The following ARK2C variants were observed in gnomAD, a reference collection of about 807,000 sequenced individuals.
ARK2C encodes E3 ubiquitin-protein ligase ARK2C.
At chr18:46,433,222 G>A in the ARK2C span, 1 of 1,601,734 alleles carries the variant, frequency 6.2e-7, no homozygotes, top group African/African-American at 1.3e-5. Context: ...GCATCCTCAC[G>A]CTACCTCCTG....
the ARK2C span, among the ~76,000 whole-genome samples, chr18:46,374,924 C>T: frequency 6.6e-6 from 1 of 152,320 alleles, no homozygotes; most frequent in South Asian, 2.1e-4. Context: ...TTGAGGGCCT[C>T]CCCAGTCACT....
At chr18:46,413,452 G>C in the ARK2C span, among the ~76,000 whole-genome samples, 2 of 152,152 alleles carry the variant, frequency 1.3e-5, no homozygotes, top group Non-Finnish European at 2.9e-5. Context: ...TGGGTTTGGA[G>C]TCCTACAGAG....
chr18:46,344,957 T>A, the ARK2C span, among the ~76,000 whole-genome samples: 3 of 152,190 alleles, frequency 2.0e-5, no homozygotes, highest in African/African-American at 7.2e-5. Context: ...TGGGCTCATG[T>A]CCCTCAGGAC....
the ARK2C span, among the ~76,000 whole-genome samples, chr18:46,451,683 T>C: frequency 1.3e-5 from 2 of 152,130 alleles, no homozygotes; most frequent in African/African-American, 4.8e-5. Flanking sequence ...TATGAACTTG[T>C]AGTCCTAGTT....
the ARK2C span, among the ~76,000 whole-genome samples, chr18:46,422,027 C>A: frequency 6.6e-6 from 1 of 152,152 alleles, no homozygotes; most frequent in South Asian, 2.1e-4. Flanking sequence ...GCCCTGGGGG[C>A]TAAGCCAAGC....
At chr18:46,445,074 A>AT in the ARK2C span, among the ~76,000 whole-genome samples, 3 of 151,336 alleles carry the variant, frequency 2.0e-5, no homozygotes, top group Non-Finnish European at 2.9e-5. Context: ...ACATATTATC[A>AT]TTTTTTTGGC....
chr18:46,445,394 G>A, the ARK2C span, among the ~76,000 whole-genome samples: 1 of 152,142 alleles, frequency 6.6e-6, no homozygotes, highest in Non-Finnish European at 1.5e-5. Flanking sequence ...ACTGGAATAT[G>A]AATCTTTCCC....
At chr18:46,353,310 C>G in the ARK2C span, among the ~76,000 whole-genome samples, 2 of 152,298 alleles carry the variant, frequency 1.3e-5, no homozygotes, top group East Asian at 3.9e-4. Flanking sequence ...ATCTGAGAGA[C>G]GGGGATGTCA....
At chr18:46,359,006 T>G in the ARK2C span, among the ~76,000 whole-genome samples, 3 of 152,088 alleles carry the variant, frequency 2.0e-5, no homozygotes, top group Admixed American at 2.0e-4. Context: ...TAGGCTCGAG[T>G]CCTGACACTG....
the ARK2C span, among the ~76,000 whole-genome samples, chr18:46,413,342 CT>C: frequency 6.6e-6 from 1 of 152,070 alleles, no homozygotes; most frequent in Non-Finnish European, 1.5e-5. Context: ...ATCCCCAAAT[CT>C]ATCTGCATTA....
chr18:46,432,193 T>C, the ARK2C span, among the ~76,000 whole-genome samples: 1 of 152,188 alleles, frequency 6.6e-6, no homozygotes, highest in Non-Finnish European at 1.5e-5. Flanking sequence ...TAGAGCTGGA[T>C]TTTTGCTTAG....
At chr18:46,374,816 C>A in the ARK2C span, among the ~76,000 whole-genome samples, 3 of 152,186 alleles carry the variant, frequency 2.0e-5, no homozygotes, top group African/African-American at 7.2e-5. Context: ...CCTGGAGACA[C>A]TTCCTGGGGA....
the ARK2C span, among the ~76,000 whole-genome samples, chr18:46,343,286 A>G: frequency 6.6e-6 from 1 of 152,226 alleles, no homozygotes; most frequent in African/African-American, 2.4e-5. Flanking sequence ...GGAAAGGAAT[A>G]TGACTTGAAT....
At chr18:46,382,484 A>C in the ARK2C span, among the ~76,000 whole-genome samples, 1 of 152,222 alleles carries the variant, frequency 6.6e-6, no homozygotes, top group African/African-American at 2.4e-5. Context: ...ATATGCAATG[A>C]ATGTTTTAAA....
At chr18:46,354,405 G>A in the ARK2C span, among the ~76,000 whole-genome samples, 1 of 152,210 alleles carries the variant, frequency 6.6e-6, no homozygotes, top group Non-Finnish European at 1.5e-5. Context: ...GTAATGATGG[G>A]GGGTCCTCAT....
the ARK2C span, among the ~76,000 whole-genome samples, chr18:46,363,986 C>T: frequency 3.4e-5 from 5 of 147,722 alleles, no homozygotes; most frequent in South Asian, 4.4e-4. Context: ...CTCTCTCTGC[C>T]CCCCAGGCTA....
At chr18:46,381,073 G>A in the ARK2C span, among the ~76,000 whole-genome samples, 149 of 152,326 alleles carry the variant, frequency 9.8e-4, no homozygotes, top group Non-Finnish European at 1.6e-3. Flanking sequence ...ACACTACTGC[G>A]CCTCAGTTTT....
At chr18:46,422,391 G>A in the ARK2C span, among the ~76,000 whole-genome samples, 1 of 152,232 alleles carries the variant, frequency 6.6e-6, no homozygotes, top group Non-Finnish European at 1.5e-5. Flanking sequence ...GGGCCATTGA[G>A]AGACTCAGAA....
At chr18:46,383,694 AC>A in the ARK2C span, among the ~76,000 whole-genome samples, 1 of 151,728 alleles carries the variant, frequency 6.6e-6, no homozygotes, top group Non-Finnish European at 1.5e-5. Flanking sequence ...AGCTGGGACT[AC>A]AGGCAGCCAC....
Sources: allele counts gnomAD v4.1 joint callset (sites outside exome capture counted in the v4.1 genomes callset), GRCh38; gene constraint gnomAD v4.1.1; transcripts MANE v1.5; gene names NCBI Gene and HGNC (gene_info 2026-07-23, HGNC 2026-07-21).